The following CSMD1 variants were observed in gnomAD, a reference collection of about 807,000 sequenced individuals.
CSMD1 encodes CUB and sushi domain-containing protein 1.
A neutral mutation model predicts 417.5 loss-of-function variants in CSMD1; 213 were observed. The ratio of observed to expected loss-of-function variants is 0.51; its 90% CI spans 0.46 to 0.57. The LOEUF is 0.57. Ranked by LOEUF, CSMD1 falls within the 20% of genes least tolerant of loss-of-function variation. The pLI is 0.00. For missense variants in CSMD1, 6,923 were observed against 4,529.7 expected (o/e 1.53, Z -15.17); for synonymous variants, 2,862 against 1,736.8 (o/e 1.65, Z -16.11).
intron 46 of CSMD1, 68 bp from the exon 47 acceptor site, chr8:3,097,105 T>A: frequency 1.6e-6 from 2 of 1,246,608 alleles, no homozygotes; most frequent in Admixed American, 2.9e-5. Flanking sequence ...GGATAGTTTC[T>A]ATCCCTGTAT....
intron 6 of CSMD1, among the ~76,000 whole-genome samples, chr8:3,729,528 G>A (rs991032229): frequency 6.6e-6 from 1 of 152,180 alleles, no homozygotes; most frequent in Non-Finnish European, 1.5e-5. Context: ...CTGCCCAAGA[G>A]GAATCGAAGT....
intron 48 of CSMD1, among the ~76,000 whole-genome samples, chr8:3,090,189 C>T (rs1327471303): frequency 4.6e-5 from 7 of 151,896 alleles, no homozygotes; most frequent in South Asian, 2.1e-4. Flanking sequence ...CGGTGGCGGG[C>T]GCCTGTAGTC....
At chr8:3,715,277 G>A (rs114220476) in intron 6 of CSMD1, among the ~76,000 whole-genome samples, 3 of 152,082 alleles carry the variant, frequency 2.0e-5, no homozygotes, top group South Asian at 2.1e-4. Flanking sequence ...TATTGTTAAC[G>A]TGTGATTTGT....
intron 1 of CSMD1, among the ~76,000 whole-genome samples, chr8:4,783,345 G>A (rs1381003029): frequency 6.6e-6 from 1 of 152,130 alleles, no homozygotes; most frequent in Non-Finnish European, 1.5e-5. Context: ...CAGCGCCACA[G>A]CCTCCTAATC....
chr8:4,426,675 T>C (rs1797577867), intron 2 of CSMD1, among the ~76,000 whole-genome samples: 1 of 147,274 alleles, frequency 6.8e-6, no homozygotes, highest in African/African-American at 2.5e-5. Flanking sequence ...TATTTTATTA[T>C]ATAATATAGT....
intron 4 of CSMD1, among the ~76,000 whole-genome samples, chr8:3,998,680 A>G (rs943641257): frequency 6.6e-5 from 10 of 152,156 alleles, no homozygotes; most frequent in African/African-American, 1.9e-4. Context: ...TTAAAATGGA[A>G]TATCTTAGAA....
intron 18 of CSMD1, among the ~76,000 whole-genome samples, chr8:3,372,604 G>A (rs1265638875): frequency 6.6e-6 from 1 of 152,146 alleles, no homozygotes; most frequent in Non-Finnish European, 1.5e-5. Flanking sequence ...TAAAAAGGAG[G>A]AGCTGGGGGT....
intron 3 of CSMD1, among the ~76,000 whole-genome samples, chr8:4,162,596 G>C (rs1327603744): frequency 2.0e-5 from 3 of 151,980 alleles, no homozygotes; most frequent in Admixed American, 6.6e-5. Flanking sequence ...TATATTTTAA[G>C]AGCAGTTTTT....
At chr8:3,763,788 T>C (rs545155609) in intron 5 of CSMD1, among the ~76,000 whole-genome samples, 12 of 152,264 alleles carry the variant, frequency 7.9e-5, no homozygotes, top group Admixed American at 2.0e-4. Flanking sequence ...GGGCTCCATA[T>C]TCTCAGAGGA....
At chr8:4,085,433 A>C (rs1344080901) in intron 3 of CSMD1, among the ~76,000 whole-genome samples, 1 of 152,244 alleles carries the variant, frequency 6.6e-6, no homozygotes, top group African/African-American at 2.4e-5. Context: ...TTGATTATTT[A>C]GAAAATGAGT....
chr8:4,374,114 G>T (rs1422943253), intron 3 of CSMD1, among the ~76,000 whole-genome samples: 2 of 152,060 alleles, frequency 1.3e-5, no homozygotes, highest in East Asian at 3.9e-4. Flanking sequence ...TTTCACACCT[G>T]CCATTTTATT....
chr8:4,674,886 G>A (rs1457746037), intron 1 of CSMD1, among the ~76,000 whole-genome samples: 1 of 152,128 alleles, frequency 6.6e-6, no homozygotes, highest in Non-Finnish European at 1.5e-5. Context: ...TTAGAAGGTG[G>A]AGACTCTCAT....
chr8:3,280,835 A>G (rs947074713), intron 26 of CSMD1, among the ~76,000 whole-genome samples: 1 of 152,184 alleles, frequency 6.6e-6, no homozygotes, highest in Non-Finnish European at 1.5e-5. Context: ...TCAAATAATT[A>G]TAATAAAGGG....
Position 4,830,774 on chromosome 8 carries a change from C to G in CSMD1, c.85+163558G>C, listed in dbSNP as rs9657403. Among the ~76,000 whole-genome samples, 11 of 152,142 alleles carry G rather than the reference C, an allele frequency of 7.2e-5. No homozygotes were observed. The East Asian group carries it at 1.7e-3, about 24-fold the overall frequency. On this transcript the variant is annotated intron_variant, in intron 1 of 69. Coordinates refer to ENST00000635120, the MANE Select transcript of CSMD1 (RefSeq NM_033225.6). The stretch of plus-strand genomic sequence containing the variant: ...GACTTTAAGAAATATAAGCATAGGT[C>G]ATTCCAGAGTCAAGTGCAGCCTACT...
At chr8:3,752,378 G>A (rs1046519660) in intron 6 of CSMD1, among the ~76,000 whole-genome samples, 2 of 152,104 alleles carry the variant, frequency 1.3e-5, no homozygotes, top group East Asian at 1.9e-4. Flanking sequence ...TTTGGCGCTG[G>A]GTACGGTGGC....
intron 25 of CSMD1, among the ~76,000 whole-genome samples, chr8:3,287,400 C>G (rs535624174): frequency 3.3e-5 from 5 of 152,186 alleles, no homozygotes; most frequent in South Asian, 4.2e-4. Flanking sequence ...GGCAGTATGG[C>G]CATTTTCACA....
intron 5 of CSMD1, among the ~76,000 whole-genome samples, chr8:3,947,620 G>A (rs907976708): frequency 7.3e-5 from 11 of 150,934 alleles, no homozygotes; most frequent in African/African-American, 2.2e-4. Context: ...CCAAATACGA[G>A]GAGCTTTCCC....
At chr8:3,814,349 T>A (rs903981475) in intron 5 of CSMD1, among the ~76,000 whole-genome samples, 3 of 152,200 alleles carry the variant, frequency 2.0e-5, no homozygotes, top group African/African-American at 4.8e-5. Flanking sequence ...ACCAAGGACA[T>A]CTTTGACTCT....
intron 3 of CSMD1, among the ~76,000 whole-genome samples, chr8:4,411,795 G>T (rs893589282): frequency 6.6e-6 from 1 of 152,068 alleles, no homozygotes; most frequent in South Asian, 2.1e-4. Context: ...GAATCACGTG[G>T]CATATGCATT....
Sources: allele counts gnomAD v4.1 joint callset (sites outside exome capture counted in the v4.1 genomes callset), GRCh38; gene constraint gnomAD v4.1.1; transcripts MANE v1.5; gene names NCBI Gene and HGNC (gene_info 2026-07-23, HGNC 2026-07-21).